MAST2: variants seen among roughly 807,000 people sequenced by gnomAD.
The protein encoded by MAST2 is microtubule associated serine/threonine kinase 2.
A neutral mutation model predicts 147.4 loss-of-function variants in MAST2; 70 were observed. The observed-to-expected ratio is 0.47, with a 90% CI of 0.39 to 0.58. MAST2 has a LOEUF of 0.58. Among genes scored for constraint, MAST2 ranks in the 20% least tolerant of loss-of-function variants. The pLI, the probability that MAST2 is intolerant of heterozygous loss-of-function variation, is 0.00. For synonymous variants in MAST2, 869 were observed against 896.8 expected (o/e 0.97, Z 0.55); for missense variants, 2,080 against 2,302.3 (o/e 0.90, Z 1.98).
chr1:45,882,488 T>A, intron 4 of MAST2, 93 bp downstream of exon 4: 1 of 984,916 alleles, frequency 1.0e-6, no homozygotes, highest in Non-Finnish European at 1.6e-6. Flanking sequence ...GGAATCCCGC[T>A]CAGTACACAA....
chr1:45,898,270 G>A (rs925761972), intron 4 of MAST2, among the ~76,000 whole-genome samples: 2 of 152,148 alleles, frequency 1.3e-5, no homozygotes, highest in African/African-American at 2.4e-5. Flanking sequence ...AAAGTCCCAC[G>A]TTAAGTATGA....
chr1:45,959,480 G>A lies in MAST2; in HGVS notation c.592+3G>A, dbSNP rs548044459. 1.9e-6 allele frequency: 3 copies of A among 1,612,756 alleles called. No homozygotes were observed. Among genetic ancestry groups the A allele is most frequent in the East Asian group, 2.2e-5 (1 of 44,868 alleles). On this transcript the variant is annotated splice_donor_region_variant and intron_variant, in intron 5 of 28. Transcript: ENST00000361297. The stretch of plus-strand genomic sequence containing the variant: ...CTCACCACTCCATGGCCACACAGGT[G>A]AGTGCTTGAAGGTTAAGAAAGGTTG...
intron 3 of MAST2, among the ~76,000 whole-genome samples, chr1:45,838,592 T>A (rs537790927): frequency 1.2e-4 from 19 of 152,058 alleles, no homozygotes; most frequent in East Asian, 3.9e-4. Flanking sequence ...TAAAAAAAAA[T>A]TTTTTTTGTC....
chr1:45,912,195 G>A (rs893970417), intron 4 of MAST2, among the ~76,000 whole-genome samples: 6 of 152,192 alleles, frequency 3.9e-5, no homozygotes, highest in African/African-American at 1.2e-4. Context: ...GAGAGGAAAA[G>A]TGAGGGCTTG....
chr1:45,995,741 T>C (rs975830231), intron 5 of MAST2, among the ~76,000 whole-genome samples: 1 of 152,188 alleles, frequency 6.6e-6, no homozygotes, highest in Non-Finnish European at 1.5e-5. Flanking sequence ...TTTAAGCTAA[T>C]TTTCTGGATC....
intron 5 of MAST2, among the ~76,000 whole-genome samples, chr1:45,967,924 G>C (rs567754870): frequency 2.0e-5 from 3 of 152,146 alleles, no homozygotes; most frequent in Admixed American, 2.0e-4. Context: ...ATGTGTGTAC[G>C]TGTGTGCATA....
intron 4 of MAST2, among the ~76,000 whole-genome samples, chr1:45,895,708 A>G (rs900427317): frequency 8.5e-5 from 13 of 152,240 alleles, no homozygotes; most frequent in African/African-American, 2.9e-4. Flanking sequence ...CAGATATAAA[A>G]TGAAAACATT....
chr1:45,913,623 T>G (rs1652007927), intron 4 of MAST2: 1 of 1,001,272 alleles, frequency 1.0e-6, no homozygotes, highest in Non-Finnish European at 1.2e-6. Flanking sequence ...ACTGTCCCAC[T>G]GCTGCCTCGT....
At chr1:45,952,714 C>G (rs1285836828) in intron 4 of MAST2, among the ~76,000 whole-genome samples, 1 of 152,034 alleles carries the variant, frequency 6.6e-6, no homozygotes, top group Non-Finnish European at 1.5e-5. Context: ...GAACAAGACA[C>G]TAGAATTATC....
intron 4 of MAST2, among the ~76,000 whole-genome samples, chr1:45,895,217 G>T (rs1314169586): frequency 6.6e-6 from 1 of 151,912 alleles, no homozygotes; most frequent in Non-Finnish European, 1.5e-5. Context: ...GTTTCCTTTT[G>T]TGACTATACC....
intron 19 of MAST2, 68 bp downstream of exon 19, chr1:46,029,635 C>T: frequency 6.7e-7 from 1 of 1,496,578 alleles, no homozygotes; most frequent in South Asian, 1.2e-5. Flanking sequence ...GTCATGTACC[C>T]TGGAGGTTCA....
intron 5 of MAST2, among the ~76,000 whole-genome samples, chr1:45,979,794 C>A (rs758783496): frequency 3.3e-5 from 5 of 152,112 alleles, no homozygotes; most frequent in Admixed American, 2.6e-4. Context: ...TATGCCTGCA[C>A]CACTGCACTC....
intron 5 of MAST2, among the ~76,000 whole-genome samples, chr1:45,971,662 T>G (rs1483040387): frequency 1.3e-5 from 2 of 152,230 alleles, no homozygotes; most frequent in Non-Finnish European, 2.9e-5. Context: ...AATTCTCTTC[T>G]TTATCTCAGA....
intron 26 of MAST2, among the ~76,000 whole-genome samples, chr1:46,033,101 A>G (rs756525582): frequency 2.6e-5 from 4 of 152,044 alleles, no homozygotes; most frequent in Non-Finnish European, 5.9e-5. Flanking sequence ...CAGCATGGCA[A>G]AACTCTACTA....
At chr1:46,032,567 G>A (rs1369917117) in intron 25 of MAST2, 29 bp from the exon 26 acceptor site, 2 of 1,612,146 alleles carry the variant, frequency 1.2e-6, no homozygotes, top group East Asian at 2.2e-5. Context: ...TCAGGCTCCA[G>A]TCTGAGTACT....
Position 46,031,311 on chromosome 1 carries a change from A to C in MAST2, c.2992+21A>C. On this transcript the variant is annotated intron_variant, in intron 23 of 28. Transcript: ENST00000361297. This position sits in a 1 kb window ranked among gnomAD's most constrained non-coding sequence, Gnocchi z 4.1. ...TCCAGGTATGGCCCAGTGGGCGGCC[A>C]AACGACCTAAGCTGGAGGATACTGC... 1 of 1,543,030 alleles carries C rather than the reference A, an allele frequency of 6.5e-7. No homozygotes were observed. The highest frequency in any genetic ancestry group is 8.8e-7 in the Non-Finnish European group (1 of 1,141,282).
chr1:45,841,774 G>A (rs1275436630), intron 3 of MAST2, among the ~76,000 whole-genome samples: 1 of 152,132 alleles, frequency 6.6e-6, no homozygotes, highest in Non-Finnish European at 1.5e-5. Context: ...AGTGTGTTGC[G>A]GTGGATTTTC....
intron 5 of MAST2, among the ~76,000 whole-genome samples, chr1:45,962,689 AG>A (rs1050801977): frequency 1.2e-4 from 18 of 152,162 alleles, no homozygotes; most frequent in African/African-American, 4.3e-4. Flanking sequence ...TCAGATGAGT[AG>A]ATTGCAAAAA....
At chr1:45,936,995 G>T (rs1047834524) in intron 4 of MAST2, among the ~76,000 whole-genome samples, 1 of 149,620 alleles carries the variant, frequency 6.7e-6, no homozygotes, top group Non-Finnish European at 1.5e-5. Context: ...CTTCCACCTG[G>T]CCTCCTGAGT....
Sources: gnomAD v4.1 joint callset for allele counts (sites outside exome capture counted in the v4.1 genomes callset) on GRCh38, gnomAD v4.1.1 for gene constraint, Gnocchi (gnomAD v3.1) non-coding constraint, MANE v1.5 for transcripts, NCBI Gene and HGNC (gene_info 2026-07-23, HGNC 2026-07-21) for gene names.